The following ITGB8 variants were observed in gnomAD, a reference collection of about 807,000 sequenced individuals.
ITGB8 encodes the protein integrin beta-8.
A neutral mutation model predicts 89.5 loss-of-function variants in ITGB8; 30 were observed. The ratio of observed to expected loss-of-function variants is 0.34; its 90% CI spans 0.25 to 0.45. The LOEUF is 0.45. Among genes scored for constraint, ITGB8 ranks in the 20% least tolerant of loss-of-function variants. The probability of loss-of-function intolerance (pLI) is 1.00; values close to 1 mark genes in which losing one functional copy is unlikely to be tolerated. For missense variants in ITGB8, 836 were observed against 933.3 expected (o/e 0.90, Z 1.36); for synonymous variants, 335 against 320.4 (o/e 1.05, Z -0.49).
rs777085371 is a variant in ITGB8 at position 20,391,379 on chromosome 7, TATTTA to T, written c.961-23_961-19del. 1.5e-6 allele frequency: 2 copies of T among 1,303,788 alleles called. No homozygotes were observed. The highest frequency in any genetic ancestry group is 2.6e-5 in the South Asian group (2 of 77,148). 80.8% of individuals were successfully genotyped at this position (1,303,788 alleles called of 1,614,324 possible). A position where few individuals can be genotyped will look rare whatever the true frequency, so the allele number is the denominator to read the frequency against. The stretch of plus-strand genomic sequence containing the variant: ...ATGGAGCTATGAAATTTCATTCCCT[TATTTA>T]TTTTATTATTCATTACAGGAACACC... On this transcript the variant is annotated intron_variant, in intron 6 of 13. Coordinates refer to ENST00000222573, the MANE Select transcript of ITGB8 (RefSeq NM_002214.3).
intron 6 of ITGB8, among the ~76,000 whole-genome samples, chr7:20,388,129 T>C (rs1786703441): frequency 6.6e-6 from 1 of 152,216 alleles, no homozygotes; most frequent in Non-Finnish European, 1.5e-5. Context: ...TTACCCAAAA[T>C]TGCCCCCAAT....
chr7:20,386,538 G>A (rs570757361), intron 6 of ITGB8, among the ~76,000 whole-genome samples: 12 of 151,214 alleles, frequency 7.9e-5, no homozygotes, highest in African/African-American at 1.9e-4. Context: ...GATTACAGGC[G>A]TGAGCCACTG....
chr7:20,401,839 G>T lies in ITGB8; in HGVS notation c.1400G>T (p.Cys467Phe). Residue 467 changes from cysteine to phenylalanine, a missense_variant, in exon 10 of 14, where the codon TGC becomes TTC. This residue lies in a region of ITGB8 where 422 missense variants were observed against 416.9 expected (regional missense o/e 1.01). Transcript: ENST00000222573. ...ETAKIHIHRN[C>F]SCQCEDNRGP... ...GCTAAAATTCATATACACAGAAACT[G>T]CAGCTGTCAGTGTGAGGACAACAGA... is the stretch of plus-strand genomic sequence containing the variant. 2 of 1,613,976 alleles carry T rather than the reference G, an allele frequency of 1.2e-6. No homozygotes were observed. The highest frequency in any genetic ancestry group is 1.7e-6 in the Non-Finnish European group (2 of 1,179,970).
At chr7:20,344,709 TG>T (rs1784865979) in intron 1 of ITGB8, among the ~76,000 whole-genome samples, 1 of 152,128 alleles carries the variant, frequency 6.6e-6, no homozygotes, top group Non-Finnish European at 1.5e-5. Context: ...CACCCTGAGC[TG>T]AGTTCGAGAG....
intron 3 of ITGB8, 99 bp downstream of exon 3, chr7:20,367,285 T>A (rs552386196): frequency 3.2e-6 from 3 of 930,450 alleles, no homozygotes; most frequent in Admixed American, 2.2e-5. Flanking sequence ...GGCAGTATTG[T>A]TCTTGTAGAA....
At chr7:20,389,195 T>C (rs958920515) in intron 6 of ITGB8, among the ~76,000 whole-genome samples, 25 of 152,214 alleles carry the variant, frequency 1.6e-4, no homozygotes, top group Non-Finnish European at 2.9e-4. Context: ...CCTTGAGGAA[T>C]CACCACACTG....
chr7:20,406,715 A>C (rs1787560065), intron 12 of ITGB8, among the ~76,000 whole-genome samples: 1 of 152,192 alleles, frequency 6.6e-6, no homozygotes, highest in Non-Finnish European at 1.5e-5. Flanking sequence ...AGATTGGTAT[A>C]ATCTCCATGT....
At chr7:20,361,428 C>T (rs1048113807) in intron 1 of ITGB8, among the ~76,000 whole-genome samples, 1 of 152,260 alleles carries the variant, frequency 6.6e-6, no homozygotes, top group South Asian at 2.1e-4. Flanking sequence ...GCTGGGGAGT[C>T]CAGGATTAAG....
At chr7:20,403,727 A>G (rs1297891731) in intron 10 of ITGB8, among the ~76,000 whole-genome samples, 2 of 151,982 alleles carry the variant, frequency 1.3e-5, no homozygotes, top group East Asian at 1.9e-4. Flanking sequence ...GGGAGCTAAG[A>G]AAGGAAAGGA....
chr7:20,365,577 G>C (rs1429261515), intron 2 of ITGB8: 1 of 152,186 alleles, frequency 6.6e-6, no homozygotes, highest in African/African-American at 2.4e-5. Flanking sequence ...CAGAGGCATG[G>C]CTTAAGAAAT....
chr7:20,329,948 C>A (rs968071802), upstream of ITGB8, among the ~76,000 whole-genome samples: 1 of 152,146 alleles, frequency 6.6e-6, no homozygotes. Flanking sequence ...CCTACTTGCA[C>A]CTAAATTTCT....
At chr7:20,396,327 G>A (rs756466692) in intron 8 of ITGB8, among the ~76,000 whole-genome samples, 12 of 151,946 alleles carry the variant, frequency 7.9e-5, no homozygotes, top group Non-Finnish European at 1.8e-4. Context: ...CAGCTACTCG[G>A]GAGGCTGAGG....
chr7:20,333,122 C>T lies in ITGB8; in HGVS notation c.127+1189C>T, dbSNP rs79952892. ...GCTAATTAAAACAGTCAAATCATAA[C>T]CTTATAAGTAGGTTTTATATATATA... is the stretch of plus-strand genomic sequence containing the variant. On this transcript the variant is annotated intron_variant, in intron 1 of 13. Coordinates refer to ENST00000222573, the MANE Select transcript of ITGB8 (RefSeq NM_002214.3). 7.3e-3 allele frequency among the ~76,000 whole-genome samples: 1,114 copies of T among 151,996 alleles called. 20 individuals carry two copies. Among genetic ancestry groups the T allele is most frequent in the African/African-American group, 0.024 (1,014 of 41,484 alleles).
intron 1 of ITGB8, among the ~76,000 whole-genome samples, chr7:20,336,000 C>CT (rs201113693): frequency 0.47 from 44,838 of 94,590 alleles, 13,145 homozygotes; most frequent in African/African-American, 0.67. Flanking sequence ...TCTTGGTTTT[C>CT]TTTTTTTTTT....
chr7:20,336,244 A>T (rs1227162143), intron 1 of ITGB8, among the ~76,000 whole-genome samples: 2 of 151,950 alleles, frequency 1.3e-5, no homozygotes, highest in Non-Finnish European at 2.9e-5. Context: ...TGACCTCGTG[A>T]TCTGCTCGCC....
intron 1 of ITGB8, among the ~76,000 whole-genome samples, chr7:20,343,074 G>T (rs561925937): frequency 1.3e-5 from 2 of 152,352 alleles, no homozygotes; most frequent in South Asian, 4.1e-4. Flanking sequence ...CCTGAAAGGG[G>T]TTAAATGTTA....
chr7:20,392,929 G>GT (rs1786923155), intron 7 of ITGB8, among the ~76,000 whole-genome samples: 2 of 152,174 alleles, frequency 1.3e-5, no homozygotes, highest in Admixed American at 6.5e-5. Context: ...ATTAGCAATC[G>GT]TAACAGCTTC....
chr7:20,393,201 TAAC>T (rs1786934431), intron 7 of ITGB8, among the ~76,000 whole-genome samples: 1 of 152,360 alleles, frequency 6.6e-6, no homozygotes, highest in African/African-American at 2.4e-5. Flanking sequence ...GCTGTTTCTC[TAAC>T]ATTATTTCTT....
At chr7:20,374,119 A>G (rs1011332683) in intron 3 of ITGB8, among the ~76,000 whole-genome samples, 1 of 152,268 alleles carries the variant, frequency 6.6e-6, no homozygotes, top group East Asian at 1.9e-4. Flanking sequence ...TGGAGATAAT[A>G]TAAGTGGTGG....
Sources: gnomAD v4.1 joint callset for allele counts (sites outside exome capture counted in the v4.1 genomes callset) on GRCh38, gnomAD v4.1.1 for gene constraint, gnomAD v4.1.1 regional missense constraint, MANE v1.5 for transcripts, NCBI Gene and HGNC (gene_info 2026-07-23, HGNC 2026-07-21) for gene names.